Variants in ALAS1 observed in about 807,000 individuals in gnomAD.
ALAS1 encodes the protein 5-aminolevulinate synthase, non-specific, mitochondrial.
A neutral mutation model predicts 59.6 loss-of-function variants in ALAS1; 29 were observed. The ratio of observed to expected loss-of-function variants is 0.49; its 90% CI spans 0.36 to 0.66. The LOEUF is 0.66. Among genes scored for constraint, ALAS1 ranks in the 30% least tolerant of loss-of-function variants. The pLI, the probability that ALAS1 is intolerant of heterozygous loss-of-function variation, is 0.00. For synonymous variants in ALAS1, 299 were observed against 296.6 expected (o/e 1.01, Z -0.08); for missense variants, 690 against 807.5 (o/e 0.85, Z 1.76).
chr3:52,204,712 T>C lies in ALAS1; in HGVS notation c.597T>C (p.Tyr199=). The C allele has an allele frequency of 6.2e-7, 1 of 1,614,128 alleles. No individual in the cohort carries two copies. Among genetic ancestry groups the C allele is most frequent in the Non-Finnish European group, 8.5e-7 (1 of 1,180,014 alleles). Residue 199 remains tyrosine (Y), a synonymous_variant, in exon 6 of 12, where the codon TAT becomes TAC. Transcript: ENST00000484952. ...TTTTAGCTGTTTCCACTTTTCAGTA[T>C]GATCGTTTCTTTGAGAAAAAAATTG... is the stretch of plus-strand genomic sequence containing the variant. ...NLPKSVSTFQ[Y]DRFFEKKIDE...
At chr3:52,207,391 G>A (rs1388294595) in intron 8 of ALAS1, among the ~76,000 whole-genome samples, 2 of 151,298 alleles carry the variant, frequency 1.3e-5, no homozygotes, top group East Asian at 3.9e-4. Context: ...CCACCTTGGC[G>A]TCCCAAAGTG....
At position 52,212,361 on chromosome 3, in the gene ALAS1, A is replaced by C. The variant is rs1699428607; in HGVS notation, c.1703A>C (p.Glu568Ala). 1 of 1,614,152 alleles carries C rather than the reference A, an allele frequency of 6.2e-7. No individual in the cohort carries two copies. Among genetic ancestry groups the C allele is most frequent in the Non-Finnish European group, 8.5e-7 (1 of 1,180,028 alleles). ...INYPTVPRGE[E>A]LLRIAPTPHH... ...TACCCTACGGTGCCCCGGGGAGAAG[A>C]GCTCCTACGGATTGCCCCCACCCCT... is the stretch of plus-strand genomic sequence containing the variant. Residue 568 changes from glutamate (E) to alanine (A), a missense_variant, in exon 11 of 12, where the codon GAG (glutamate) becomes GCG (alanine). Physicochemically the swap from Glu to Ala is moderately radical, Grantham distance 107 (BLOSUM62 -1). Coordinates refer to ENST00000484952, the MANE Select transcript of ALAS1 (RefSeq NM_000688.6).
At position 52,198,216 on chromosome 3, in the gene ALAS1, C is replaced by T. The variant is rs1487883132; in HGVS notation, c.-249C>T. 3 of 398,904 alleles carry T rather than the reference C, an allele frequency of 7.5e-6. No homozygotes were observed. Among genetic ancestry groups the T allele is most frequent in the African/African-American group, 2.1e-5 (1 of 48,626 alleles). 24.7% of individuals were successfully genotyped at this position (398,904 alleles called of 1,614,324 possible). Reference sequence around the variant, plus strand: ...TCGTTTGGACTTCTCGACTTGAGTGCCCGCCTCCTTCGCCGCCGCCTCTGC... The same window carrying T: ...TCGTTTGGACTTCTCGACTTGAGTGTCCGCCTCCTTCGCCGCCGCCTCTGC... On this transcript the variant is annotated 5_prime_UTR_variant, in exon 1 of 12. Transcript: ENST00000484952.
rs1319728874 is a variant in ALAS1, at chr3:52,198,162, G to A, written c.-303G>A. On this transcript the variant is annotated 5_prime_UTR_variant, in exon 1 of 12. Coordinates refer to ENST00000484952, the MANE Select transcript of ALAS1 (RefSeq NM_000688.6). ...AAGGCGCCGGCGATCGCGGCCTGAG[G>A]CTGCTCCCGGACAAGGGCAACGAGC... The A allele has an allele frequency of 2.0e-5, 8 of 398,448 alleles. No homozygotes were observed. Among genetic ancestry groups the A allele is most frequent in the Non-Finnish European group, 3.5e-5 (8 of 225,954 alleles). The allele number at this position is 398,448 out of a possible 1,614,324, so 24.7% of individuals were successfully genotyped here. A position where few individuals can be genotyped will look rare whatever the true frequency, so the allele number is the denominator to read the frequency against.
In ALAS1 at chr3:52,214,021, G is replaced by A. The variant is rs1699465747; in HGVS notation, c.1764G>A (p.Glu588=). Residue 588 remains glutamate (E), a splice_region_variant and synonymous_variant, in exon 12 of 12, where the codon GAG becomes GAA. Transcript: ENST00000484952. ...HTPQMMNYFL[E]NLLVTWKQVG... ...TATTTAAAAACTGTTTCTCCTCAGA[G>A]AATCTGCTAGTCACATGGAAGCAAG... The A allele has an allele frequency of 6.3e-7, 1 of 1,597,930 alleles. No individual in the cohort carries two copies. Among genetic ancestry groups the A allele is most frequent in the East Asian group, 2.2e-5 (1 of 44,470 alleles).
chr3:52,202,393 G>T, intron 3 of ALAS1, 114 bp from the exon 4 acceptor site: 1 of 827,976 alleles, frequency 1.2e-6, no homozygotes, highest in Non-Finnish European at 2.0e-6. Flanking sequence ...CTGGATGGTG[G>T]GGTACAGTAA....
intron 2 of ALAS1, 34 bp from the exon 3 acceptor site, chr3:52,199,176 A>T (rs1489820426): frequency 1.2e-6 from 2 of 1,603,632 alleles, no homozygotes; most frequent in African/African-American, 2.7e-5. Context: ...TATTTGCCTG[A>T]TTATTAACAA....
At chr3:52,208,364 C>T (rs959601016) in intron 9 of ALAS1, 117 bp downstream of exon 9, 6 of 1,181,518 alleles carry the variant, frequency 5.1e-6, no homozygotes, top group South Asian at 4.4e-5. Context: ...AAGCCTGGGC[C>T]ACTCTTTCTT....
In ALAS1 at chr3:52,214,140, A is replaced by T. The variant is rs759033636; in HGVS notation, c.1883A>T (p.Tyr628Phe). 6.2e-7 allele frequency: 1 copy of T among 1,613,358 alleles called. No homozygotes were observed. The change falls in exon 12 of 12, where the codon TAT becomes TTT. Residue 628 changes from tyrosine (Y) to phenylalanine (F), a missense_variant. Transcript: ENST00000484952. ...GTGATGAGTGAAAGAGAGAAGTCCT[A>T]TTTCTCAGGCTTGAGCAAGTTGGTA... ...FEVMSEREKS[Y>F]FSGLSKLVSA... is the part of the protein sequence containing the mutation.
intron 4 of ALAS1, 23 bp from the exon 5 acceptor site, chr3:52,203,840 G>A (rs1298159600): frequency 6.4e-7 from 1 of 1,560,044 alleles, no homozygotes; most frequent in Admixed American, 2.0e-5. Flanking sequence ...GGTCCCATTT[G>A]TTTCTTGTTA....
Position 52,208,257 on chromosome 3 carries a change from C to T in ALAS1, c.1330+10C>T. ...ATTTCTGGAACACTTGGTATGTATACATTGTATTACATACACTAAAATTCC... is the reference window on the plus strand; with the variant it reads ...ATTTCTGGAACACTTGGTATGTATATATTGTATTACATACACTAAAATTCC... On this transcript the variant is annotated intron_variant, in intron 9 of 11. Transcript: ENST00000484952. The T allele has an allele frequency of 6.2e-7, 1 of 1,613,028 alleles. No homozygotes were observed.
intron 2 of ALAS1, 93 bp downstream of exon 2, chr3:52,198,941 C>A: frequency 7.2e-7 from 1 of 1,395,022 alleles, no homozygotes; most frequent in Non-Finnish European, 9.8e-7. Flanking sequence ...TCCTTCCGCC[C>A]CCTTGATTAT....
In ALAS1 at chr3:52,208,226, G is replaced by T. The variant is rs1273011598; in HGVS notation, c.1309G>T (p.Asp437Tyr). 6.2e-7 allele frequency: 1 copy of T among 1,614,038 alleles called. No individual in the cohort carries two copies. The highest frequency in any genetic ancestry group is 1.3e-5 in the African/African-American group (1 of 74,930). ...GDRDGVMPKM[D>Y]IISGTLGKAF... is the part of the protein sequence containing the mutation. Reference sequence around the variant, plus strand: ...TCGGGATGGAGTCATGCCAAAAATGGACATCATTTCTGGAACACTTGGTAT... The same window carrying T: ...TCGGGATGGAGTCATGCCAAAAATGTACATCATTTCTGGAACACTTGGTAT... The change falls in exon 9 of 12, where the codon GAC (aspartate) becomes TAC (tyrosine). Residue 437 changes from aspartate to tyrosine, a missense_variant. By Grantham distance (160) the Asp-to-Tyr change is radical (BLOSUM62 -3). Transcript: ENST00000484952.
At chr3:52,207,819 T>C (rs6802320) in intron 8 of ALAS1, among the ~76,000 whole-genome samples, 44,940 of 152,094 alleles carry the variant, frequency 0.3, 7,385 homozygotes, top group Admixed American at 0.36. Context: ...CATTCTTTTT[T>C]TATTGCTGTG....
At chr3:52,208,532 ACT>A (rs1438920823) in intron 9 of ALAS1, among the ~76,000 whole-genome samples, 1 of 152,156 alleles carries the variant, frequency 6.6e-6, no homozygotes, top group African/African-American at 2.4e-5. Flanking sequence ...AAGAGCCTGT[ACT>A]CTCTGTGCCT....
In ALAS1 at chr3:52,214,168, T is replaced by C. The variant is rs1236571154; in HGVS notation, c.1911T>C (p.Ser637=). The change falls in exon 12 of 12, where the codon TCT becomes TCC. Residue 637 remains serine (S), a synonymous_variant. Transcript: ENST00000484952. ...SYFSGLSKLV[S]AQA is the part of the protein sequence containing the mutation. ...TCTCAGGCTTGAGCAAGTTGGTATC[T>C]GCTCAGGCCTGAGCATGACCTCAAT... is the stretch of plus-strand genomic sequence containing the variant. 1.2e-6 allele frequency: 2 copies of C among 1,604,488 alleles called. No individual in the cohort carries two copies. The highest frequency in any genetic ancestry group is 1.7e-6 in the Non-Finnish European group (2 of 1,171,708).
upstream of ALAS1, chr3:52,198,090 A>C (rs976315951): frequency 8.8e-5 from 35 of 397,554 alleles, no homozygotes; most frequent in East Asian, 8.2e-4. Flanking sequence ...GCGCAGAAGA[A>C]GGCAGCGCCC....
chr3:52,211,763 C>A (rs1441990238), intron 10 of ALAS1, among the ~76,000 whole-genome samples: 1 of 152,212 alleles, frequency 6.6e-6, no homozygotes, highest in Non-Finnish European at 1.5e-5. Context: ...GGCAGAAGTT[C>A]CCTCTCCGGA....
chr3:52,209,886 G>T (rs954218578), intron 9 of ALAS1, among the ~76,000 whole-genome samples: 2 of 152,078 alleles, frequency 1.3e-5, no homozygotes, highest in Non-Finnish European at 1.5e-5. Flanking sequence ...CACCATGTTG[G>T]CCAGGCTGGT....
Sources: gnomAD v4.1 joint callset for allele counts (sites outside exome capture counted in the v4.1 genomes callset) on GRCh38, gnomAD v4.1.1 for gene constraint, MANE v1.5 for transcripts, NCBI Gene and HGNC (gene_info 2026-07-23, HGNC 2026-07-21) for gene names.